Variants in SLC25A18 observed in about 807,000 individuals in gnomAD.
SLC25A18 encodes the protein mitochondrial glutamate carrier 2.
SLC25A18 carries 24 observed loss-of-function variants against 31.1 expected under a neutral mutation model. The observed-to-expected ratio is 0.77, with a 90% CI of 0.56 to 1.08. SLC25A18 has a LOEUF of 1.08. Ranked by LOEUF, SLC25A18 falls within the 50% of genes least tolerant of loss-of-function variation. The pLI is 0.00. For missense variants in SLC25A18, 371 were observed against 418.5 expected (o/e 0.89, Z 0.99); for synonymous variants, 173 against 161.9 (o/e 1.07, Z -0.52).
chr22:17,584,425 AGGAAGGAAGGAAGGAAGGAAGGAG>A (rs2057469780), intron 7 of SLC25A18, among the ~76,000 whole-genome samples: 2 of 133,460 alleles, frequency 1.5e-5, no homozygotes, highest in Non-Finnish European at 3.0e-5. Flanking sequence ...GAAAGAAAGA[AGGAAGGAAGGAAGGAAGGAAGGAG>A]AGAGAGAGAG....
At position 17,578,260 on chromosome 22, in the gene SLC25A18, T is replaced by A. The variant is rs117095497; in HGVS notation, c.-200-1485T>A. On this transcript the variant is annotated intron_variant, in intron 2 of 10. Transcript: ENST00000327451. ...TGTTGGAATTACAGGCGTGAGCCAC[T>A]GTTCCCGGCCAAACTTAAGTCCTTG... is the stretch of plus-strand genomic sequence containing the variant. Among the ~76,000 whole-genome samples the A allele has an allele frequency of 5.4e-3, 821 of 152,314 alleles. 23 individuals carry two copies. Among genetic ancestry groups the A allele is most frequent in the Admixed American group, 0.045 (692 of 15,284 alleles).
At chr22:17,572,936 C>T (rs905043795) in intron 2 of SLC25A18, among the ~76,000 whole-genome samples, 3 of 152,112 alleles carry the variant, frequency 2.0e-5, no homozygotes, top group Non-Finnish European at 4.4e-5. Flanking sequence ...CCATGGCGCC[C>T]AGCCCTCTAC....
At chr22:17,572,485 C>CA (rs695683) in intron 2 of SLC25A18, among the ~76,000 whole-genome samples, 68,971 of 132,286 alleles carry the variant, frequency 0.52, 17,696 homozygotes, top group Non-Finnish European at 0.53. Context: ...AACTCCATCT[C>CA]AAAAAAAAAA....
chr22:17,587,015 C>T lies in SLC25A18; in HGVS notation c.410-121C>T, dbSNP rs888724873. On this transcript the variant is annotated intron_variant, in intron 7 of 10. Transcript: ENST00000327451. ...AAAATTAGGACATTCTTCTGGATGC[C>T]AGCTGAGGTGTCAGCCTGGCCTCTG... is the stretch of plus-strand genomic sequence containing the variant. 7.2e-6 allele frequency: 8 copies of T among 1,117,334 alleles called. No homozygotes were observed. The Admixed American group carries it at 1.4e-4, about 19-fold the overall frequency. 69.2% of individuals were successfully genotyped at this position (1,117,334 alleles called of 1,614,324 possible).
rs1200619935 is a variant in SLC25A18 at position 17,579,821 on chromosome 22, C to T, written c.-124C>T. 6.1e-6 allele frequency: 9 copies of T among 1,470,098 alleles called. No individual in the cohort carries two copies. The highest frequency in any genetic ancestry group is 7.2e-6 in the Non-Finnish European group (8 of 1,105,360). 91.1% of individuals were successfully genotyped at this position (1,470,098 alleles called of 1,614,324 possible). A position where few individuals can be genotyped will look rare whatever the true frequency, so the allele number is the denominator to read the frequency against. Reference sequence around the variant, plus strand: ...GGCCAGGCTGCACTCAAAACCCGTGCTCTGTCCACACTGCTACGGGGCCAG... The same window carrying T: ...GGCCAGGCTGCACTCAAAACCCGTGTTCTGTCCACACTGCTACGGGGCCAG... On this transcript the variant is annotated 5_prime_UTR_variant, in exon 3 of 11. Coordinates refer to ENST00000327451, the MANE Select transcript of SLC25A18 (RefSeq NM_031481.3).
At chr22:17,587,483 A>T (rs934244851) in intron 8 of SLC25A18, among the ~76,000 whole-genome samples, 182 bp downstream of exon 8, 3 of 152,188 alleles carry the variant, frequency 2.0e-5, no homozygotes, top group Non-Finnish European at 2.9e-5. Context: ...GGGTACCTAG[A>T]AGACTAAAGT....
rs8142794 is a variant in SLC25A18 at position 17,568,161 on chromosome 22, A to G, written c.-263-1763A>G. On this transcript the variant is annotated intron_variant, in intron 1 of 10. Coordinates refer to ENST00000327451, the MANE Select transcript of SLC25A18 (RefSeq NM_031481.3). ...GGGCGGATCACGAGGTCAGGAGATC[A>G]AGACCATCCTGGCTAACATGGTGAA... Among the ~76,000 whole-genome samples, 16 of 151,994 alleles carry G rather than the reference A, an allele frequency of 1.1e-4. 1 individual carries two copies. The highest frequency in any genetic ancestry group is 3.4e-3 in the Middle Eastern group (1 of 292).
rs907850330 is a variant in SLC25A18 at position 17,565,008 on chromosome 22, C to CCTCG, written c.-264+1296_-264+1299dup. Among the ~76,000 whole-genome samples the CCTCG allele has an allele frequency of 3.3e-3, 509 of 152,170 alleles. 4 individuals are homozygous for CCTCG. Among genetic ancestry groups the CCTCG allele is most frequent in the African/African-American group, 0.012 (483 of 41,516 alleles). The stretch of plus-strand genomic sequence containing the variant: ...GGATCGCTTGAGCCCAGGAGCCCTC[C>CCTCG]CTCGGGATGCTCTTATTTCTGCCTG... On this transcript the variant is annotated intron_variant, in intron 1 of 10. Coordinates refer to ENST00000327451, the MANE Select transcript of SLC25A18 (RefSeq NM_031481.3).
At position 17,581,076 on chromosome 22, in the gene SLC25A18, C is replaced by T. The variant is rs756925090; in HGVS notation, c.60C>T (p.Leu20=). 11 of 1,560,502 alleles carry T rather than the reference C, an allele frequency of 7.0e-6. No individual in the cohort carries two copies. The highest frequency in any genetic ancestry group is 9.6e-6 in the Non-Finnish European group (11 of 1,151,408). Residue 20 remains leucine (L), a synonymous_variant, in exon 4 of 11, where the codon CTC becomes CTT. Coordinates refer to ENST00000327451, the MANE Select transcript of SLC25A18 (RefSeq NM_031481.3). ...AKLINGGVAG[L]VGVTCVFPID... ...TCATCAATGGAGGTGTAGCAGGGCT[C>T]GTGGGGGTGACCTGCGTGTTCCCCA...
chr22:17,571,813 G>T (rs992625601), intron 2 of SLC25A18, among the ~76,000 whole-genome samples: 2 of 151,010 alleles, frequency 1.3e-5, no homozygotes, highest in Non-Finnish European at 2.9e-5. Flanking sequence ...GAGGTGAGGA[G>T]TTTGAGACCA....
intron 7 of SLC25A18, among the ~76,000 whole-genome samples, chr22:17,585,946 C>T (rs1317128826): frequency 2.6e-5 from 4 of 152,048 alleles, no homozygotes; most frequent in Non-Finnish European, 5.9e-5. Context: ...AGCCACCGTG[C>T]CCGGCCACCT....
chr22:17,572,703 G>A lies in SLC25A18; in HGVS notation c.-201+2717G>A, dbSNP rs1308871170. 5.1e-4 allele frequency among the ~76,000 whole-genome samples: 67 copies of A among 132,502 alleles called. No homozygotes were observed. In the South Asian group the frequency reaches 8.0e-3, roughly 16 times the overall value. 86.9% of individuals were successfully genotyped at this position (132,502 alleles called of 152,430 possible). On this transcript the variant is annotated intron_variant, in intron 2 of 10. Coordinates refer to ENST00000327451, the MANE Select transcript of SLC25A18 (RefSeq NM_031481.3). Reference sequence around the variant, plus strand: ...GTCGCCCAGGCTGGAGTGCAGTGGCGCGATCTCGGCTCACTGCAAGCTCCG... The same window carrying A: ...GTCGCCCAGGCTGGAGTGCAGTGGCACGATCTCGGCTCACTGCAAGCTCCG...
intron 2 of SLC25A18, among the ~76,000 whole-genome samples, chr22:17,572,932 C>T (rs112580218): frequency 1.1e-4 from 16 of 152,178 alleles, no homozygotes; most frequent in East Asian, 1.9e-4. Flanking sequence ...TGAGCCATGG[C>T]GCCCAGCCCT....
chr22:17,576,958 C>T (rs1356361208), intron 2 of SLC25A18, among the ~76,000 whole-genome samples: 3 of 152,206 alleles, frequency 2.0e-5, no homozygotes, highest in Non-Finnish European at 4.4e-5. Flanking sequence ...CTCCTGGGTT[C>T]AAGCGATTCT....
intron 6 of SLC25A18, among the ~76,000 whole-genome samples, chr22:17,583,209 G>T (rs963884909): frequency 6.6e-6 from 1 of 152,194 alleles, no homozygotes; most frequent in South Asian, 2.1e-4. Context: ...GCTTCCATGC[G>T]GTGCTACCTC....
chr22:17,569,157 C>G (rs1240659899), intron 1 of SLC25A18, among the ~76,000 whole-genome samples: 1 of 151,234 alleles, frequency 6.6e-6, no homozygotes, highest in African/African-American at 2.4e-5. Flanking sequence ...TACAGGCGCC[C>G]GCCACCACGC....
intron 1 of SLC25A18, among the ~76,000 whole-genome samples, chr22:17,567,098 G>A (rs1172754449): frequency 6.6e-6 from 1 of 152,210 alleles, no homozygotes; most frequent in Admixed American, 6.5e-5. Context: ...GAAGGTCAAG[G>A]CTGCAGTGAG....
rs912090837 is a variant in SLC25A18 at position 17,589,615 on chromosome 22, C to T, written c.756C>T (p.Leu252=). 1 of 1,614,102 alleles carries T rather than the reference C, an allele frequency of 6.2e-7. No individual in the cohort carries two copies. The highest frequency in any genetic ancestry group is 1.3e-5 in the African/African-American group (1 of 75,038). The change falls in exon 10 of 11, where the codon CTC becomes CTT. Residue 252 remains leucine (L), a synonymous_variant. Transcript: ENST00000327451. ...LDVLKTRIQT[L]KKGLGEDMYS... ...TTCTGAAAACTCGAATCCAAACCCTCAAGAAAGGCCTGGGCGAGGACATGT... is the reference window on the plus strand; with the variant it reads ...TTCTGAAAACTCGAATCCAAACCCTTAAGAAAGGCCTGGGCGAGGACATGT...
chr22:17,572,388 G>A (rs2057113411), intron 2 of SLC25A18, among the ~76,000 whole-genome samples: 1 of 149,982 alleles, frequency 6.7e-6, no homozygotes, highest in Non-Finnish European at 1.5e-5. Context: ...AGGAGGCTGA[G>A]GCAGGAGAAT....
Sources: allele counts gnomAD v4.1 joint callset (sites outside exome capture counted in the v4.1 genomes callset), GRCh38; gene constraint gnomAD v4.1.1; transcripts MANE v1.5; gene names NCBI Gene and HGNC (gene_info 2026-07-23, HGNC 2026-07-21).